MCTP1: variants seen among roughly 807,000 people sequenced by gnomAD.
MCTP1 encodes multiple C2 and transmembrane domain containing 1.
Under a neutral mutation model 120.6 loss-of-function variants are expected in MCTP1, and 69 were observed. The ratio of observed to expected loss-of-function variants is 0.57; its 90% confidence interval spans 0.47 to 0.70. The LOEUF (loss-of-function observed/expected upper bound fraction) is 0.70, where lower values mean the gene tolerates loss of function less well. Ranked by LOEUF, MCTP1 falls within the 30% of genes least tolerant of loss-of-function variation. The pLI is 0.00. For synonymous variants in MCTP1, 529 were observed against 493.1 expected, an observed-to-expected ratio of 1.07 and a Z score of -0.96; for missense variants, 1,203 against 1,248.8, an observed-to-expected ratio of 0.96 and a Z score of 0.55.
At chr5:95,167,654 G>T (rs1168595864) in intron 1 of MCTP1, among the ~76,000 whole-genome samples, 1 of 152,218 alleles carries the variant, frequency 6.6e-6, no homozygotes, top group Non-Finnish European at 1.5e-5. Flanking sequence ...TTTCTCTGAT[G>T]GCCAGTGATG....
At chr5:94,762,356 A>G (rs552669996) in intron 19 of MCTP1, among the ~76,000 whole-genome samples, 1 of 152,320 alleles carries the variant, frequency 6.6e-6, no homozygotes, top group Admixed American at 6.5e-5. Context: ...ATCAAAGCCA[A>G]AAAAGCATGG....
At chr5:94,999,863 A>C (rs901739337) in intron 2 of MCTP1, among the ~76,000 whole-genome samples, 34 of 152,308 alleles carry the variant, frequency 2.2e-4, no homozygotes, top group African/African-American at 6.3e-4. Flanking sequence ...GAATCCCCCC[A>C]CACACATAGT....
In MCTP1 at chr5:94,873,149, C is replaced by T. The variant is rs374050117; in HGVS notation, c.2026G>A (p.Val676Ile). The change falls in exon 13 of 23, where the codon GTC (valine) becomes ATC (isoleucine). Residue 676 changes from valine (V) to isoleucine (I), a missense_variant. This residue lies in a region of MCTP1 where 740 missense variants were observed against 871.1 expected (regional missense o/e 0.85). Transcript: ENST00000515393. Reference sequence around the variant, plus strand: ...GAAATGCCTACTTACAACGTGAAGACTTTATTCCACTCAGGATTGAGATTT... The same window carrying T: ...GAAATGCCTACTTACAACGTGAAGATTTTATTCCACTCAGGATTGAGATTT... ...YKNLNPEWNK[V>I]FTFNIKDIHS... 2.3e-5 allele frequency: 37 copies of T among 1,588,610 alleles called. No individual in the cohort carries two copies. The Middle Eastern group carries it at 5.0e-4, about 21-fold the overall frequency.
chr5:94,868,933 C>T (rs1797331499), intron 16 of MCTP1, among the ~76,000 whole-genome samples: 1 of 151,786 alleles, frequency 6.6e-6, no homozygotes, highest in Non-Finnish European at 1.5e-5. Context: ...TAGTAGAATT[C>T]CTCCCATTCT....
intron 1 of MCTP1, among the ~76,000 whole-genome samples, chr5:95,172,563 G>A (rs971999126): frequency 6.6e-6 from 1 of 150,442 alleles, no homozygotes; most frequent in Non-Finnish European, 1.5e-5. Context: ...AGGCATAGAT[G>A]AATTATTACT....
At chr5:95,175,669 G>C (rs1456197019) in intron 1 of MCTP1, among the ~76,000 whole-genome samples, 1 of 152,118 alleles carries the variant, frequency 6.6e-6, no homozygotes, top group Non-Finnish European at 1.5e-5. Context: ...TTATGGGTAG[G>C]TCCAGATTTT....
intron 5 of MCTP1, among the ~76,000 whole-genome samples, chr5:94,934,741 T>TTTG (rs1554142509): frequency 2.7e-5 from 4 of 149,872 alleles, no homozygotes; most frequent in African/African-American, 9.9e-5. Context: ...AAAGAAGTTT[T>TTTG]TTTTTTTTTT....
In MCTP1 at chr5:94,868,333, C is replaced by G; in HGVS notation, c.2436G>C (p.Val812=). The stretch of plus-strand genomic sequence containing the variant: ...TGTAAGTAATACAGTATGATCATAC[C>G]ACAAAAGCAGCGAGACTCCTTGGGG... The part of the protein sequence containing the change: ...DSPPRSLAAF[V]LFLFVVWNFE... Residue 812 remains valine (V), a splice_region_variant and synonymous_variant, in exon 17 of 23, where the codon GTG becomes GTC. Coordinates refer to ENST00000515393, the MANE Select transcript of MCTP1 (RefSeq NM_024717.7). 6.3e-7 allele frequency: 1 copy of G among 1,594,760 alleles called. No individual in the cohort carries two copies. The highest frequency in any genetic ancestry group is 8.5e-7 in the Non-Finnish European group (1 of 1,172,142).
chr5:95,259,051 T>C (rs1758195915), intron 1 of MCTP1, among the ~76,000 whole-genome samples: 1 of 152,194 alleles, frequency 6.6e-6, no homozygotes, highest in African/African-American at 2.4e-5. Flanking sequence ...ACCTATCTAC[T>C]AATGATCAGC....
intron 5 of MCTP1, among the ~76,000 whole-genome samples, chr5:94,939,250 A>T (rs293040): frequency 0.33 from 50,102 of 151,828 alleles, 9,004 homozygotes; most frequent in South Asian, 0.45. Context: ...TCTATAACCA[A>T]CTTTAATCAT....
intron 1 of MCTP1, among the ~76,000 whole-genome samples, chr5:95,122,864 G>T (rs2152410944): frequency 6.6e-6 from 1 of 152,304 alleles, no homozygotes. Flanking sequence ...GGAACTGGAG[G>T]TCATTATGTT....
At chr5:95,081,199 C>T (rs775892898) in intron 1 of MCTP1, among the ~76,000 whole-genome samples, 3 of 151,624 alleles carry the variant, frequency 2.0e-5, no homozygotes, top group Non-Finnish European at 2.9e-5. Context: ...ATTTCTCAGG[C>T]ACTATATTTT....
chr5:94,966,795 GA>G (rs1231140774), intron 2 of MCTP1, among the ~76,000 whole-genome samples: 56 of 137,320 alleles, frequency 4.1e-4, no homozygotes, highest in Non-Finnish European at 5.2e-4. Flanking sequence ...ACTCTGTCTC[GA>G]AAAAAAAAAA....
chr5:95,024,919 T>C (rs1838952201), intron 1 of MCTP1, among the ~76,000 whole-genome samples: 1 of 152,152 alleles, frequency 6.6e-6, no homozygotes. Context: ...ATATTGAAGA[T>C]GACACACAAG....
intron 1 of MCTP1, among the ~76,000 whole-genome samples, chr5:95,019,814 G>C (rs566148181): frequency 1.3e-5 from 2 of 151,986 alleles, no homozygotes; most frequent in Non-Finnish European, 2.9e-5. Flanking sequence ...GGACAAGAGC[G>C]TGACAGCTGT....
intron 20 of MCTP1, among the ~76,000 whole-genome samples, chr5:94,712,165 C>A (rs917481983): frequency 2.0e-5 from 3 of 152,086 alleles, no homozygotes; most frequent in African/African-American, 7.2e-5. Flanking sequence ...ACCTCTCTAA[C>A]CTTTTCCCCA....
intron 6 of MCTP1, among the ~76,000 whole-genome samples, chr5:94,930,095 A>G (rs1561875806): frequency 6.6e-6 from 1 of 152,024 alleles, no homozygotes; most frequent in African/African-American, 2.4e-5. Flanking sequence ...GATTGCTAAT[A>G]ATAAATATAA....
intron 17 of MCTP1, among the ~76,000 whole-genome samples, chr5:94,849,539 G>T (rs912773436): frequency 6.6e-6 from 1 of 152,112 alleles, no homozygotes; most frequent in Admixed American, 6.6e-5. Context: ...CTGTCTCACA[G>T]GGGGCAGGTA....
chr5:95,253,057 A>G (rs567419103), intron 1 of MCTP1, among the ~76,000 whole-genome samples: 1 of 152,284 alleles, frequency 6.6e-6, no homozygotes, highest in Admixed American at 6.5e-5. Context: ...CCATGAGCCA[A>G]TGCTGTCTAA....
Sources: gnomAD v4.1 joint callset for allele counts (sites outside exome capture counted in the v4.1 genomes callset) on GRCh38, gnomAD v4.1.1 for gene constraint, gnomAD v4.1.1 regional missense constraint, MANE v1.5 for transcripts, NCBI Gene and HGNC (gene_info 2026-07-23, HGNC 2026-07-21) for gene names.